IMPACT: variants seen among roughly 807,000 people sequenced by gnomAD.
The protein encoded by IMPACT is impact RWD domain protein, also known as protein IMPACT.
Under a neutral mutation model 47.5 loss-of-function variants are expected in IMPACT, and 35 were observed. That is an observed-to-expected ratio of 0.74 (90% confidence interval 0.56 to 0.98). The LOEUF (loss-of-function observed/expected upper bound fraction) is 0.98, where lower values mean the gene tolerates loss of function less well. Among genes scored for constraint, IMPACT ranks in the 50% least tolerant of loss-of-function variants. The pLI is 0.00. For missense variants in IMPACT, 373 were observed against 394.8 expected (o/e 0.94, Z 0.47); for synonymous variants, 118 against 125.6 (o/e 0.94, Z 0.40).
intron 8 of IMPACT, among the ~76,000 whole-genome samples, chr18:24,446,418 A>G (rs1401609201): frequency 6.6e-6 from 1 of 152,216 alleles, no homozygotes; most frequent in East Asian, 1.9e-4. Context: ...CTTTTACTAC[A>G]TGAGTTTCAG....
chr18:24,450,000 T>G, intron 10 of IMPACT, 47 bp downstream of exon 10: 8 of 1,588,212 alleles, frequency 5.0e-6, no homozygotes, highest in Non-Finnish European at 6.0e-6. Context: ...CATCACTGCC[T>G]GGGAATTTTT....
chr18:24,436,696 G>A (rs1462425591), intron 4 of IMPACT, among the ~76,000 whole-genome samples: 1 of 151,846 alleles, frequency 6.6e-6, no homozygotes, highest in Non-Finnish European at 1.5e-5. Flanking sequence ...TTACAGGCAC[G>A]CACCACCACA....
intron 9 of IMPACT, among the ~76,000 whole-genome samples, chr18:24,448,985 C>T (rs1252440589): frequency 1.3e-5 from 2 of 152,080 alleles, no homozygotes; most frequent in African/African-American, 4.8e-5. Flanking sequence ...CAAGGCCTTT[C>T]CCTTGAATAG....
chr18:24,428,078 T>C, intron 2 of IMPACT, 31 bp downstream of exon 2: 1 of 1,553,976 alleles, frequency 6.4e-7, no homozygotes, highest in Non-Finnish European at 8.7e-7. Flanking sequence ...GCAGCCATCT[T>C]TCAGTTACAG....
intron 3 of IMPACT, 88 bp from the exon 4 acceptor site, chr18:24,430,234 C>CA (rs34829211): frequency 6.6e-6 from 6 of 904,796 alleles, no homozygotes; most frequent in Admixed American, 5.5e-5. Flanking sequence ...TTTTTAAAGC[C>CA]AAAAAAATTT....
chr18:24,443,020 A>T, intron 6 of IMPACT, 29 bp from the exon 7 acceptor site: 1 of 1,269,262 alleles, frequency 7.9e-7, no homozygotes, highest in Non-Finnish European at 1.1e-6. Context: ...AAGGCTTTTT[A>T]AAAAATAAAG....
intron 4 of IMPACT, among the ~76,000 whole-genome samples, chr18:24,436,355 C>T (rs1006163408): frequency 1.3e-5 from 2 of 151,926 alleles, no homozygotes; most frequent in African/African-American, 4.8e-5. Flanking sequence ...AAGTGATCCT[C>T]CCACCTCAGC....
chr18:24,440,599 T>G lies in IMPACT; in HGVS notation c.471T>G (p.Asp157Glu), dbSNP rs764279865. The G allele has an allele frequency of 6.2e-7, 1 of 1,613,016 alleles. No individual in the cohort carries two copies. The highest frequency in any genetic ancestry group is 1.3e-5 in the African/African-American group (1 of 74,886). The change falls in exon 6 of 11, where the codon GAT becomes GAG. Residue 157 changes from aspartate (D) to glutamate (E), a missense_variant. Transcript: ENST00000284202. The stretch of plus-strand genomic sequence containing the variant: ...GTTCGCTTAAAGCATTGGATTTTGA[T>G]ATCAGTGAAACTCGGACAGGTATAA... ...PESSLKALDF[D>E]ISETRTEVEV...
At chr18:24,444,003 C>A (rs1909184025) in intron 7 of IMPACT, among the ~76,000 whole-genome samples, 1 of 152,164 alleles carries the variant, frequency 6.6e-6, no homozygotes, top group Non-Finnish European at 1.5e-5. Flanking sequence ...ACTCTTGAAG[C>A]TCTTTAAAGC....
At chr18:24,428,994 G>T in intron 3 of IMPACT, 73 bp downstream of exon 3, 1 of 1,050,850 alleles carries the variant, frequency 9.5e-7, no homozygotes, top group Admixed American at 2.5e-5. Context: ...TGTACTTTGC[G>T]TTTACATAAA....
rs369502189 is a variant in IMPACT, at chr18:24,426,730, C to A, written c.-27C>A. The A allele has an allele frequency of 8.0e-6, 10 of 1,245,254 alleles. No homozygotes were observed. The highest frequency in any genetic ancestry group is 4.7e-5 in the African/African-American group (3 of 64,396). The allele number at this position is 1,245,254 out of a possible 1,614,324, so 77.1% of individuals were successfully genotyped here. On this transcript the variant is annotated 5_prime_UTR_variant, in exon 1 of 11. Coordinates refer to ENST00000284202, the MANE Select transcript of IMPACT (RefSeq NM_018439.4). Reference sequence around the variant, plus strand: ...CCCGCGCTCCGGACCTGGCAGGCGGCGGCTGCAGGGCAGGTCCAGGGGCCA... The same window carrying A: ...CCCGCGCTCCGGACCTGGCAGGCGGAGGCTGCAGGGCAGGTCCAGGGGCCA...
chr18:24,445,116 C>T (rs900575189), intron 7 of IMPACT, among the ~76,000 whole-genome samples: 1 of 152,210 alleles, frequency 6.6e-6, no homozygotes, highest in African/African-American at 2.4e-5. Context: ...AAATTCCCTA[C>T]ATGGGGAACA....
At chr18:24,450,371 A>G (rs956981333) in intron 10 of IMPACT, among the ~76,000 whole-genome samples, 4 of 152,042 alleles carry the variant, frequency 2.6e-5, no homozygotes, top group Non-Finnish European at 4.4e-5. Context: ...CTCCCCCTTC[A>G]CTGGCATACC....
At chr18:24,448,756 A>G (rs1909307943) in intron 9 of IMPACT, among the ~76,000 whole-genome samples, 1 of 151,992 alleles carries the variant, frequency 6.6e-6, no homozygotes, top group Admixed American at 6.6e-5. Flanking sequence ...CTCTGATTAT[A>G]TTAATTAGAG....
Position 24,452,963 on chromosome 18 carries a change from G to T in IMPACT, c.*2116G>T, listed in dbSNP as rs1012622324. 1.3e-5 allele frequency: 2 copies of T among 152,066 alleles called. No individual in the cohort carries two copies. Among genetic ancestry groups the T allele is most frequent in the Non-Finnish European group, 2.9e-5 (2 of 68,022 alleles). 9.4% of individuals were successfully genotyped at this position (152,066 alleles called of 1,614,324 possible). ...TAATTTTTAAAGTTTTTTTTGTAAA[G>T]ATAGGGTCTTTCTATGTTGCCCAGG... On this transcript the variant is annotated 3_prime_UTR_variant, in exon 11 of 11. Transcript: ENST00000284202.
rs1909403752 is a variant in IMPACT at position 24,452,205 on chromosome 18, G to C, written c.*1358G>C. 2 of 152,054 alleles carry C rather than the reference G, an allele frequency of 1.3e-5. No homozygotes were observed. The highest frequency in any genetic ancestry group is 4.2e-4 in the South Asian group (2 of 4,816). The allele number at this position is 152,054 out of a possible 1,614,324, so 9.4% of individuals were successfully genotyped here. On this transcript the variant is annotated 3_prime_UTR_variant, in exon 11 of 11. Transcript: ENST00000284202. Reference sequence around the variant, plus strand: ...CTTTAAAAGATCCAACATCCTTACCGTTGGTATTTTTAGTAAGGTTATAGT... The same window carrying C: ...CTTTAAAAGATCCAACATCCTTACCCTTGGTATTTTTAGTAAGGTTATAGT...
intron 1 of IMPACT, 74 bp downstream of exon 1, chr18:24,426,866 G>A: frequency 1.8e-6 from 2 of 1,092,036 alleles, no homozygotes; most frequent in Non-Finnish European, 2.3e-6. Context: ...CTCCTCAGCC[G>A]AGGGGCCCTC....
rs1291937338 is a variant in IMPACT, at chr18:24,450,055, A to G, written c.894+102A>G. ...GAATGAATCAGAATGTGAGTGGTGA[A>G]TTGGTAAAACCTTTGGACTCAGAAC... On this transcript the variant is annotated intron_variant, in intron 10 of 10. Coordinates refer to ENST00000284202, the MANE Select transcript of IMPACT (RefSeq NM_018439.4). 1.2e-5 allele frequency: 16 copies of G among 1,283,400 alleles called. No homozygotes were observed. In the Admixed American group the frequency reaches 1.4e-4, roughly 11 times the overall value. The allele number at this position is 1,283,400 out of a possible 1,614,324, so 79.5% of individuals were successfully genotyped here.
chr18:24,447,235 G>A (rs1419144302), intron 8 of IMPACT, among the ~76,000 whole-genome samples: 1 of 151,126 alleles, frequency 6.6e-6, no homozygotes. Flanking sequence ...GTGTGTAGAT[G>A]AGCTTTTATA....
Sources: gnomAD v4.1 joint callset for allele counts (sites outside exome capture counted in the v4.1 genomes callset) on GRCh38, gnomAD v4.1.1 for gene constraint, MANE v1.5 for transcripts, NCBI Gene and HGNC (gene_info 2026-07-23, HGNC 2026-07-21) for gene names.